The following CERKL variants were observed in gnomAD, a reference collection of about 807,000 sequenced individuals.
CERKL encodes CERK like autophagy regulator, also known as ceramide kinase-like protein.
CERKL carries 61 observed loss-of-function variants against 63.4 expected under a neutral mutation model. The ratio of observed to expected loss-of-function variants is 0.96; its 90% CI spans 0.78 to 1.19. The LOEUF (loss-of-function observed/expected upper bound fraction) is 1.19. Among genes scored for constraint, CERKL ranks in the 50% most tolerant of loss-of-function variants. CERKL has a pLI of 0.00. For synonymous variants in CERKL, 250 were observed against 230.5 expected, an observed-to-expected ratio of 1.08 and a Z score of -0.77; for missense variants, 675 against 655.5, an observed-to-expected ratio of 1.03 and a Z score of -0.33.
Position 181,538,148 on chromosome 2 carries a change from T to G in CERKL, c.*36A>C. The G allele has an allele frequency of 7.3e-7, 1 of 1,367,566 alleles. No homozygotes were observed. Among genetic ancestry groups the G allele is most frequent in the Non-Finnish European group, 1.0e-6 (1 of 960,776 alleles). The allele number at this position is 1,367,566 out of a possible 1,614,324, so 84.7% of individuals were successfully genotyped here. On this transcript the variant is annotated 3_prime_UTR_variant, in exon 13 of 13. Transcript: ENST00000410087. Reference sequence around the variant, plus strand: ...TGGCCACATTTCTTTATATTAAAATTCTAGTTTGTACATTTCTTTTAGAAA... The same window carrying G: ...TGGCCACATTTCTTTATATTAAAATGCTAGTTTGTACATTTCTTTTAGAAA...
intron 1 of CERKL, among the ~76,000 whole-genome samples, chr2:181,626,906 G>A (rs954986251): frequency 3.7e-4 from 57 of 152,254 alleles, no homozygotes; most frequent in African/African-American, 1.3e-3. Flanking sequence ...CTGGAAGCCA[G>A]TTTATCTTCC....
intron 10 of CERKL, among the ~76,000 whole-genome samples, chr2:181,546,663 T>G (rs952179401): frequency 3.3e-5 from 5 of 152,186 alleles, no homozygotes; most frequent in Non-Finnish European, 7.3e-5. Flanking sequence ...TCTACAGGAT[T>G]GGATTCAGGA....
At chr2:181,610,402 T>C (rs571167334) in intron 1 of CERKL, among the ~76,000 whole-genome samples, 5 of 152,320 alleles carry the variant, frequency 3.3e-5, no homozygotes, top group African/African-American at 7.2e-5. Flanking sequence ...AAAATGGTAA[T>C]TGCTGGAGAA....
chr2:181,538,310 G>T, intron 12 of CERKL, 66 bp from the exon 13 acceptor site: 1 of 892,222 alleles, frequency 1.1e-6, no homozygotes, highest in Non-Finnish European at 1.9e-6. Flanking sequence ...TAATAAGTAT[G>T]GTACACAATG....
intron 4 of CERKL, among the ~76,000 whole-genome samples, chr2:181,560,892 A>G (rs1463993847): frequency 6.6e-6 from 1 of 152,188 alleles, no homozygotes; most frequent in Non-Finnish European, 1.5e-5. Flanking sequence ...ACAACTATTC[A>G]ATCATTAAGA....
intron 1 of CERKL, among the ~76,000 whole-genome samples, chr2:181,632,760 C>G (rs1687021550): frequency 6.6e-6 from 1 of 152,146 alleles, no homozygotes; most frequent in Non-Finnish European, 1.5e-5. Context: ...CCTGTGGCTC[C>G]TCCAGGGCCT....
intron 1 of CERKL, among the ~76,000 whole-genome samples, chr2:181,620,359 C>T (rs749612001): frequency 8.5e-5 from 13 of 152,178 alleles, no homozygotes; most frequent in Admixed American, 3.9e-4. Context: ...GATCCCATTA[C>T]TTCCCAGCAG....
At chr2:181,608,598 T>A (rs909683710) in intron 1 of CERKL, among the ~76,000 whole-genome samples, 1 of 152,184 alleles carries the variant, frequency 6.6e-6, no homozygotes, top group African/African-American at 2.4e-5. Context: ...TCTTGTAAAT[T>A]GCAAATTTAA....
chr2:181,625,628 T>C (rs1348120), intron 1 of CERKL, among the ~76,000 whole-genome samples: 33,531 of 151,974 alleles, frequency 0.22, 6,693 homozygotes, highest in African/African-American at 0.54. Flanking sequence ...CATCGTGTTC[T>C]CAGAAAGGAC....
At position 181,603,870 on chromosome 2, in the gene CERKL, T is replaced by C. The variant is rs747750656; in HGVS notation, c.448A>G (p.Ile150Val). Residue 150 changes from isoleucine (I) to valine (V), a missense_variant, in exon 2 of 13, where the codon ATA (isoleucine) becomes GTA (valine). Transcript: ENST00000410087. Reference sequence around the variant, plus strand: ...ATTTTCTTGAACTGTCTAAACCATATGTCACAGTGGTCTTCACTTAAATTA... The same window carrying C: ...ATTTTCTTGAACTGTCTAAACCATACGTCACAGTGGTCTTCACTTAAATTA... ...LINLSEDHCD[I>V]WFRQFKKILA... 12 of 1,613,234 alleles carry C rather than the reference T, an allele frequency of 7.4e-6. No homozygotes were observed. Among genetic ancestry groups the C allele is most frequent in the Non-Finnish European group, 1.0e-5 (12 of 1,179,504 alleles).
chr2:181,557,330 A>C (rs1321783402), intron 5 of CERKL, among the ~76,000 whole-genome samples: 1 of 152,146 alleles, frequency 6.6e-6, no homozygotes, highest in East Asian at 1.9e-4. Context: ...CTATGTCCTG[A>C]ATGGTATTGC....
chr2:181,547,896 C>T, intron 8 of CERKL, 49 bp from the exon 9 acceptor site: 1 of 1,366,670 alleles, frequency 7.3e-7, no homozygotes, highest in African/African-American at 1.9e-5. Flanking sequence ...AACGCGCGCA[C>T]AGACACACAG....
chr2:181,645,568 T>C (rs887170395), intron 1 of CERKL, among the ~76,000 whole-genome samples: 1 of 152,196 alleles, frequency 6.6e-6, no homozygotes, highest in Admixed American at 6.5e-5. Context: ...ACTTGGGTAA[T>C]TTAGGATTAG....
intron 1 of CERKL, among the ~76,000 whole-genome samples, chr2:181,624,956 G>C (rs1403938102): frequency 6.6e-6 from 1 of 152,140 alleles, no homozygotes; most frequent in East Asian, 1.9e-4. Context: ...CAGAGGAGAG[G>C]TCTAGACTAG....
At chr2:181,576,279 A>C (rs900823869) in intron 2 of CERKL, among the ~76,000 whole-genome samples, 1 of 152,076 alleles carries the variant, frequency 6.6e-6, no homozygotes, top group African/African-American at 2.4e-5. Context: ...ATGGGTGCCA[A>C]AGCCATCCAG....
intron 8 of CERKL, chr2:181,548,222 A>C: frequency 3.9e-6 from 2 of 512,458 alleles, no homozygotes; most frequent in African/African-American, 3.9e-5. Context: ...TATAGTAGGC[A>C]CTCAAAAGAA....
intron 2 of CERKL, among the ~76,000 whole-genome samples, chr2:181,596,361 G>C (rs1280794101): frequency 6.6e-6 from 1 of 152,114 alleles, no homozygotes; most frequent in African/African-American, 2.4e-5. Flanking sequence ...AATGCCACCA[G>C]GGCCCGTGAG....
At chr2:181,650,096 AGGGAGGGAGGGAGGG>A (rs1559124585) in intron 1 of CERKL, 3 of 51,516 alleles carry the variant, frequency 5.8e-5, no homozygotes, top group Admixed American at 2.0e-4. Flanking sequence ...GGAGGGAGGG[AGGGAGGGAGGGAGGG>A]AGGAAGGAAG....
At chr2:181,607,996 T>C (rs1685789037) in intron 1 of CERKL, among the ~76,000 whole-genome samples, 1 of 151,970 alleles carries the variant, frequency 6.6e-6, no homozygotes, top group South Asian at 2.1e-4. Context: ...TATCTTTTCA[T>C]TTCTTTTTCT....
Sources: allele counts gnomAD v4.1 joint callset (sites outside exome capture counted in the v4.1 genomes callset), GRCh38; gene constraint gnomAD v4.1.1; transcripts MANE v1.5; gene names NCBI Gene and HGNC (gene_info 2026-07-23, HGNC 2026-07-21).